Variants in TRDN observed in about 807,000 individuals in gnomAD.
TRDN encodes the protein triadin.
A neutral mutation model predicts 149.7 loss-of-function variants in TRDN; 161 were observed. The ratio of observed to expected loss-of-function variants is 1.08; its 90% CI spans 0.95 to 1.23. The LOEUF is 1.23. Ranked by LOEUF, TRDN falls within the 50% of genes most tolerant of loss-of-function variation. The pLI, the probability that TRDN is intolerant of heterozygous loss-of-function variation, is 0.00. For missense variants in TRDN, 896 were observed against 823.5 expected (o/e 1.09, Z -1.08); for synonymous variants, 294 against 250.5 (o/e 1.17, Z -1.64).
At chr6:123,403,895 A>T (rs1284441174) in intron 12 of TRDN, among the ~76,000 whole-genome samples, 2 of 152,198 alleles carry the variant, frequency 1.3e-5, no homozygotes, top group East Asian at 3.9e-4. Flanking sequence ...AAAAGATAGC[A>T]GTTGAAGGGA....
chr6:123,635,121 A>G (rs1408536837), intron 1 of TRDN, among the ~76,000 whole-genome samples: 1 of 152,048 alleles, frequency 6.6e-6, no homozygotes, highest in East Asian at 1.9e-4. Context: ...AGAGAAACAG[A>G]AGATTAAGAC....
intron 4 of TRDN, among the ~76,000 whole-genome samples, chr6:123,545,700 G>A (rs1781079017): frequency 6.6e-6 from 1 of 151,784 alleles, no homozygotes; most frequent in East Asian, 1.9e-4. Context: ...GACTATTTTT[G>A]ACTAATAAAC....
At chr6:123,503,360 C>A in intron 8 of TRDN, 1 of 985,278 alleles carries the variant, frequency 1.0e-6, no homozygotes, top group South Asian at 4.7e-5. Context: ...TTTTGGGGGA[C>A]CACTTTCCTC....
chr6:123,222,377 C>T (rs1317797569), intron 39 of TRDN, among the ~76,000 whole-genome samples: 4 of 151,564 alleles, frequency 2.6e-5, no homozygotes, highest in Non-Finnish European at 4.4e-5. Flanking sequence ...TAGGTTCTAA[C>T]TCAGATATTT....
intron 12 of TRDN, among the ~76,000 whole-genome samples, chr6:123,415,815 T>C (rs1046442515): frequency 1.3e-5 from 2 of 152,154 alleles, no homozygotes; most frequent in African/African-American, 2.4e-5. Flanking sequence ...GCATATACTG[T>C]ATAGACAAAA....
intron 40 of TRDN, 31 bp downstream of exon 40, chr6:123,221,456 T>C: frequency 6.8e-7 from 1 of 1,473,596 alleles, no homozygotes; most frequent in Non-Finnish European, 9.4e-7. Flanking sequence ...TACAGAATGA[T>C]TTATTACTTT....
intron 21 of TRDN, among the ~76,000 whole-genome samples, chr6:123,345,809 A>G (rs1235909262): frequency 1.3e-5 from 2 of 152,046 alleles, no homozygotes; most frequent in Admixed American, 6.6e-5. Context: ...TGGTGCCAAT[A>G]TAAGTGATCG....
intron 24 of TRDN, among the ~76,000 whole-genome samples, chr6:123,293,733 A>G (rs1201170956): frequency 1.3e-5 from 2 of 152,082 alleles, no homozygotes; most frequent in Admixed American, 1.3e-4. Context: ...GAATGGGAAG[A>G]AGTCAAACAC....
intron 20 of TRDN, among the ~76,000 whole-genome samples, chr6:123,353,273 T>G (rs1780536239): frequency 6.6e-6 from 1 of 151,834 alleles, no homozygotes; most frequent in Non-Finnish European, 1.5e-5. Context: ...GAGGAACTGA[T>G]TATTGCTATT....
chr6:123,257,970 T>C (rs1776622890), intron 35 of TRDN, among the ~76,000 whole-genome samples: 1 of 152,192 alleles, frequency 6.6e-6, no homozygotes, highest in Non-Finnish European at 1.5e-5. Context: ...CTTGTGATTT[T>C]TGCACATTGA....
At chr6:123,516,053 C>T (rs761486239) in intron 6 of TRDN, 88 bp downstream of exon 6, 53 of 1,233,634 alleles carry the variant, frequency 4.3e-5, no homozygotes, top group Non-Finnish European at 5.0e-5. Flanking sequence ...TGTAAAACTG[C>T]GTGGTCATCT....
At chr6:123,224,943 C>A (rs1317364432) in intron 38 of TRDN, among the ~76,000 whole-genome samples, 1 of 151,448 alleles carries the variant, frequency 6.6e-6, no homozygotes, top group African/African-American at 2.4e-5. Context: ...GCAAAGGAAA[C>A]AATGAACAAA....
chr6:123,608,276 C>T (rs1394576766), intron 1 of TRDN, among the ~76,000 whole-genome samples: 3 of 152,106 alleles, frequency 2.0e-5, no homozygotes, highest in African/African-American at 7.2e-5. Context: ...TTAATATGCT[C>T]TATCTTCTAG....
intron 38 of TRDN, among the ~76,000 whole-genome samples, chr6:123,227,719 T>C (rs1365384366): frequency 7.3e-6 from 1 of 137,016 alleles, no homozygotes; most frequent in Non-Finnish European, 1.6e-5. Context: ...AGGCAAGGAC[T>C]TTTTTGTTTG....
chr6:123,325,406 C>T (rs1779405681), intron 23 of TRDN, among the ~76,000 whole-genome samples: 1 of 151,830 alleles, frequency 6.6e-6, no homozygotes, highest in Non-Finnish European at 1.5e-5. Flanking sequence ...ATTACTAAAC[C>T]AAATATTCTA....
At chr6:123,269,554 C>A (rs751976715) in intron 31 of TRDN, among the ~76,000 whole-genome samples, 22 of 151,754 alleles carry the variant, frequency 1.4e-4, no homozygotes, top group Non-Finnish European at 2.9e-4. Flanking sequence ...CAGTGACAGA[C>A]TTCTGGATAT....
At chr6:123,396,129 A>G (rs1375597189) in intron 12 of TRDN, among the ~76,000 whole-genome samples, 1 of 152,190 alleles carries the variant, frequency 6.6e-6, no homozygotes, top group African/African-American at 2.4e-5. Context: ...ATACATGTAC[A>G]ACACAAGAAG....
intron 7 of TRDN, among the ~76,000 whole-genome samples, chr6:123,505,192 C>T (rs765095860): frequency 6.3e-4 from 85 of 135,764 alleles, no homozygotes; most frequent in Admixed American, 1.3e-3. Context: ...TGCAGTGAGC[C>T]GAGATTGCGC....
At chr6:123,237,420 T>C (rs749057028) in intron 38 of TRDN, among the ~76,000 whole-genome samples, 2 of 152,116 alleles carry the variant, frequency 1.3e-5, no homozygotes, top group Non-Finnish European at 2.9e-5. Context: ...CGGCTAATTT[T>C]TGTATTTTTA....
Sources: gnomAD v4.1 joint callset for allele counts (sites outside exome capture counted in the v4.1 genomes callset) on GRCh38, gnomAD v4.1.1 for gene constraint, MANE v1.5 for transcripts, NCBI Gene and HGNC (gene_info 2026-07-23, HGNC 2026-07-21) for gene names.